LRRC7: variants seen among roughly 807,000 people sequenced by gnomAD.
LRRC7 encodes the protein leucine-rich repeat-containing protein 7.
LRRC7 carries 23 observed loss-of-function variants against 175.7 expected under a neutral mutation model. That is an observed-to-expected ratio of 0.13 (90% CI 0.09 to 0.19). The LOEUF is 0.19. Among genes scored for constraint, LRRC7 ranks in the 10% least tolerant of loss-of-function variants. The pLI, the probability that LRRC7 is intolerant of heterozygous loss-of-function variation, is 1.00. For synonymous variants in LRRC7, 685 were observed against 680.9 expected (o/e 1.01, Z -0.09); for missense variants, 1,354 against 1,904.7 (o/e 0.71, Z 5.38).
intron 18 of LRRC7, among the ~76,000 whole-genome samples, chr1:70,034,498 T>G (rs138079131): frequency 1.6e-3 from 243 of 152,338 alleles, no homozygotes; most frequent in African/African-American, 5.0e-3. Flanking sequence ...ATAGAACACC[T>G]TTGAGTAGCA....
chr1:70,051,628 C>T (rs2102060008), intron 22 of LRRC7, among the ~76,000 whole-genome samples: 1 of 151,816 alleles, frequency 6.6e-6, no homozygotes, highest in African/African-American at 2.4e-5. Flanking sequence ...ATTCCTAACT[C>T]AGGAGCTTAA....
intron 25 of LRRC7, among the ~76,000 whole-genome samples, 178 bp downstream of exon 25, chr1:70,089,997 C>T (rs1663903039): frequency 6.6e-6 from 1 of 152,068 alleles, no homozygotes; most frequent in African/African-American, 2.4e-5. Flanking sequence ...CAGCGCTTGA[C>T]ACATACTAAG....
Position 69,741,276 on chromosome 1 carries a change from A to G in LRRC7, c.101-18915A>G, listed in dbSNP as rs377129588. ...TAGATATGTTCAAAATATGGCATGG[A>G]GCATTCCTATACTATCCATTGTTTA... On this transcript the variant is annotated intron_variant, in intron 2 of 26. Transcript: ENST00000651989. 2.4e-4 allele frequency among the ~76,000 whole-genome samples: 36 copies of G among 152,076 alleles called. No individual in the cohort carries two copies. The East Asian group carries it at 6.8e-3, about 29-fold the overall frequency.
rs1670896756 is a variant in LRRC7, at chr1:69,760,267, A to C, written c.177A>C (p.Glu59Asp). ...CATGCCGATGTTTCCGAGGTGAAGA[A>C]GAAATCATCTCAGTTTTAGATTACT... is the stretch of plus-strand genomic sequence containing the variant. ...LVPCRCFRGE[E>D]EIISVLDYSH... The change falls in exon 3 of 27, where the codon GAA becomes GAC. Residue 59 changes from glutamate (E) to aspartate (D), a missense_variant. Glu to Asp is a conservative substitution (Grantham distance 45). This residue lies in a region of LRRC7 where 68 missense variants were observed against 83.4 expected (regional missense o/e 0.82). Transcript: ENST00000651989. 8 of 1,612,796 alleles carry C rather than the reference A, an allele frequency of 5.0e-6. No homozygotes were observed. In the African/African-American group the frequency reaches 9.4e-5, roughly 19 times the overall value.
chr1:69,722,876 T>C (rs1666517264), intron 2 of LRRC7, among the ~76,000 whole-genome samples: 1 of 152,102 alleles, frequency 6.6e-6, no homozygotes, highest in African/African-American at 2.4e-5. Context: ...TGTTTGTATG[T>C]GATATATACA....
rs189465890 is a variant in LRRC7, at chr1:69,619,525, C to A, written c.2+50884C>A. ...TCTCAAGGAAAAGCTCTTGAAAAGT[C>A]TGAATTTCAAGCTGAATTTGTCTTT... On this transcript the variant is annotated intron_variant, in intron 1 of 26. Coordinates refer to ENST00000651989, the MANE Select transcript of LRRC7 (RefSeq NM_001370785.2). Among the ~76,000 whole-genome samples the A allele has an allele frequency of 5.4e-3, 816 of 152,258 alleles. 3 individuals carry two copies. Among genetic ancestry groups the A allele is most frequent in the Non-Finnish European group, 7.3e-3 (499 of 68,010 alleles).
intron 4 of LRRC7, among the ~76,000 whole-genome samples, chr1:69,810,376 C>A (rs1284069552): frequency 6.6e-6 from 1 of 151,974 alleles, no homozygotes; most frequent in African/African-American, 2.4e-5. Flanking sequence ...CAGTTCTATC[C>A]CCATCAAGTT....
intron 2 of LRRC7, among the ~76,000 whole-genome samples, chr1:69,756,678 G>C (rs1372570427): frequency 6.6e-6 from 1 of 151,774 alleles, no homozygotes; most frequent in Admixed American, 6.6e-5. Context: ...GGTATATTTT[G>C]AGGTATCAAA....
At chr1:69,965,580 T>C (rs951299480) in intron 8 of LRRC7, among the ~76,000 whole-genome samples, 1 of 152,056 alleles carries the variant, frequency 6.6e-6, no homozygotes, top group African/African-American at 2.4e-5. Context: ...AAAATTTTTT[T>C]CCAAAATATC....
intron 7 of LRRC7, 32 bp from the exon 8 acceptor site, chr1:69,931,475 C>T (rs775231234): frequency 6.3e-7 from 1 of 1,581,648 alleles, no homozygotes; most frequent in East Asian, 2.2e-5. Context: ...CATGCACTAC[C>T]TCACAATAGT....
chr1:69,778,629 C>G (rs969058757), intron 3 of LRRC7, among the ~76,000 whole-genome samples: 1 of 151,954 alleles, frequency 6.6e-6, no homozygotes, highest in African/African-American at 2.4e-5. Flanking sequence ...AGAAATGGAA[C>G]CTTAGAGAAC....
chr1:69,874,965 G>A (rs924792946), intron 7 of LRRC7: 2 of 151,942 alleles, frequency 1.3e-5, no homozygotes, highest in African/African-American at 4.8e-5. Flanking sequence ...AAATTAAAAG[G>A]TATATTGCTA....
At chr1:69,812,769 T>C (rs1332051552) in intron 4 of LRRC7, among the ~76,000 whole-genome samples, 1 of 152,164 alleles carries the variant, frequency 6.6e-6, no homozygotes, top group African/African-American at 2.4e-5. Flanking sequence ...ATTATATGTG[T>C]ATTGATTTAT....
intron 7 of LRRC7, among the ~76,000 whole-genome samples, chr1:69,890,642 G>T (rs1269149682): frequency 6.6e-6 from 1 of 152,148 alleles, no homozygotes; most frequent in African/African-American, 2.4e-5. Context: ...TTCCTCTTTA[G>T]CTTTGAATGT....
intron 1 of LRRC7, among the ~76,000 whole-genome samples, chr1:69,635,012 G>GACAAA (rs1283847254): frequency 5.3e-5 from 8 of 152,040 alleles, no homozygotes; most frequent in African/African-American, 1.7e-4. Context: ...GTGTTACGGG[G>GACAAA]GTTTGTTGTA....
At chr1:70,113,401 T>C (rs1049308372) in intron 26 of LRRC7, among the ~76,000 whole-genome samples, 1 of 152,096 alleles carries the variant, frequency 6.6e-6, no homozygotes, top group Non-Finnish European at 1.5e-5. Flanking sequence ...CTTTTACTCA[T>C]AAGAGAGAAT....
intron 4 of LRRC7, among the ~76,000 whole-genome samples, chr1:69,799,206 T>G (rs1214875533): frequency 6.6e-6 from 1 of 152,038 alleles, no homozygotes; most frequent in Non-Finnish European, 1.5e-5. Context: ...TGCCAATTTA[T>G]TTTTAAATTT....
intron 7 of LRRC7, among the ~76,000 whole-genome samples, chr1:69,905,916 C>T (rs1309178254): frequency 2.0e-5 from 3 of 152,188 alleles, no homozygotes; most frequent in South Asian, 2.1e-4. Flanking sequence ...CTCTCCAGCA[C>T]CTGTTGTTTC....
intron 4 of LRRC7, among the ~76,000 whole-genome samples, chr1:69,819,405 T>C (rs1678969145): frequency 6.6e-6 from 1 of 152,136 alleles, no homozygotes. Flanking sequence ...TGGTTTTATA[T>C]ATATCATTGC....
Sources: allele counts gnomAD v4.1 joint callset (sites outside exome capture counted in the v4.1 genomes callset), GRCh38; gene constraint gnomAD v4.1.1; regional missense constraint gnomAD v4.1.1; transcripts MANE v1.5; gene names NCBI Gene and HGNC (gene_info 2026-07-23, HGNC 2026-07-21).